The following DHRSX variants were observed in gnomAD, a reference collection of about 807,000 sequenced individuals.
DHRSX encodes the protein polyprenol dehydrogenase.
A neutral mutation model predicts 34.0 loss-of-function variants in DHRSX; 31 were observed. That is an observed-to-expected ratio of 0.91 (90% CI 0.69 to 1.23). DHRSX has a LOEUF of 1.23. DHRSX is among the 50% of genes most tolerant of loss of function. The pLI, the probability that DHRSX is intolerant of heterozygous loss-of-function variation, is 0.00. For missense variants in DHRSX, 414 were observed against 428.1 expected, an observed-to-expected ratio of 0.97 and a Z score of 0.29; for synonymous variants, 201 against 183.8, an observed-to-expected ratio of 1.09 and a Z score of -0.76.
At chrX:2,426,536 T>G (rs760340484) in intron 1 of DHRSX, among the ~76,000 whole-genome samples, 1 of 140,912 alleles carries the variant, frequency 7.1e-6, no homozygotes, top group African/African-American at 2.6e-5. Flanking sequence ...CCTTCCTTCC[T>G]CCTTCCTTCT....
intron 5 of DHRSX, among the ~76,000 whole-genome samples, chrX:2,247,257 G>A: frequency 6.6e-6 from 1 of 151,772 alleles, no homozygotes; most frequent in African/African-American, 2.4e-5. Context: ...CCCTGGTATT[G>A]GTTTCTAAAC....
intron 5 of DHRSX, among the ~76,000 whole-genome samples, chrX:2,249,385 A>G (rs2016379684): frequency 2.1e-5 from 3 of 142,196 alleles, no homozygotes; most frequent in Admixed American, 7.2e-5. Context: ...TTTTTAGTAG[A>G]GACGGGGTTT....
chrX:2,294,329 A>G (rs1437525255), intron 3 of DHRSX, among the ~76,000 whole-genome samples: 1 of 152,096 alleles, frequency 6.6e-6, no homozygotes, highest in Non-Finnish European at 1.5e-5. Context: ...AGATCACGTG[A>G]GGTCAGGACT....
chrX:2,304,053 ATGGATGGATGGG>A (rs769361541), intron 3 of DHRSX, among the ~76,000 whole-genome samples: 10,201 of 117,230 alleles, frequency 0.087, 576 homozygotes, highest in Non-Finnish European at 0.13. Context: ...GGATGGATGG[ATGGATGGATGGG>A]TGGATGGATG....
chrX:2,461,924 G>A (rs181826291), intron 1 of DHRSX, among the ~76,000 whole-genome samples: 1 of 152,208 alleles, frequency 6.6e-6, no homozygotes, highest in Non-Finnish European at 1.5e-5. Flanking sequence ...CTGGGCTCAA[G>A]CGATCCACCG....
chrX:2,462,536 A>T (rs1323685651), intron 1 of DHRSX, among the ~76,000 whole-genome samples: 2 of 26,640 alleles, frequency 7.5e-5, no homozygotes, highest in South Asian at 1.4e-3. Flanking sequence ...ACTCCATCTC[A>T]AAAAAAAAAC....
chrX:2,339,232 C>A (rs2042610178), intron 3 of DHRSX, among the ~76,000 whole-genome samples: 1 of 151,842 alleles, frequency 6.6e-6, no homozygotes, highest in African/African-American at 2.4e-5. Flanking sequence ...ACCTCCCACG[C>A]TCAAGCAATT....
At position 2,288,631 on chromosome X, in the gene DHRSX, A is replaced by T. The variant is rs1054660011; in HGVS notation, c.388+2871T>A. ...CTCTCCTCTAGAACCAGTGTCAGCC[A>T]TAGACTCAGGAATTTCACACTGGAC... On this transcript the variant is annotated intron_variant, in intron 4 of 6. Coordinates refer to ENST00000334651, the MANE Select transcript of DHRSX (RefSeq NM_145177.3). Among the ~76,000 whole-genome samples, 63 of 152,252 alleles carry T rather than the reference A, an allele frequency of 4.1e-4. 1 individual carries two copies. Among genetic ancestry groups the T allele is most frequent in the Non-Finnish European group, 4.7e-4 (32 of 68,042 alleles).
At chrX:2,397,032 G>A (rs58582183) in intron 3 of DHRSX, among the ~76,000 whole-genome samples, 1,969 of 152,100 alleles carry the variant, frequency 0.013, 38 homozygotes, top group South Asian at 0.069. Context: ...AAAGGGTCTT[G>A]CTCTGTCGCC....
At chrX:2,358,327 C>CA (rs769620484) in intron 3 of DHRSX, among the ~76,000 whole-genome samples, 9 of 151,956 alleles carry the variant, frequency 5.9e-5, no homozygotes, top group Middle Eastern at 3.4e-3. Flanking sequence ...AAAATAAAAA[C>CA]AAAAAAAATC....
In DHRSX at chrX:2,393,522, G is replaced by A. The variant is rs1306865823; in HGVS notation, c.286+15223C>T. ...ACACAGGGACCTCCCCGTCTCCTCC[G>A]CACACACGACACACAGGGACCTCCC... On this transcript the variant is annotated intron_variant, in intron 3 of 6. Coordinates refer to ENST00000334651, the MANE Select transcript of DHRSX (RefSeq NM_145177.3). Among the ~76,000 whole-genome samples, 9 of 65,066 alleles carry A rather than the reference G, an allele frequency of 1.4e-4. No homozygotes were observed. In the East Asian group the frequency reaches 2.4e-3, roughly 17 times the overall value. The allele number at this position is 65,066 out of a possible 152,430, so 42.7% of individuals were successfully genotyped here. A position where few individuals can be genotyped will look rare whatever the true frequency, so the allele number is the denominator to read the frequency against.
intron 5 of DHRSX, among the ~76,000 whole-genome samples, chrX:2,256,347 G>A (rs111804848): frequency 0.036 from 5,492 of 151,032 alleles, 343 homozygotes; most frequent in African/African-American, 0.13. Context: ...CTGGGCTGGA[G>A]TGCAGTAGCA....
chrX:2,490,433 T>C (rs2045106174), intron 1 of DHRSX: 24 of 1,613,978 alleles, frequency 1.5e-5, no homozygotes, highest in Non-Finnish European at 1.9e-5. Context: ...GGGCTTCAGC[T>C]TGGAGAAGGC....
At chrX:2,498,385 G>A (rs181270953) in intron 1 of DHRSX, among the ~76,000 whole-genome samples, 4 of 152,278 alleles carry the variant, frequency 2.6e-5, no homozygotes, top group Admixed American at 6.5e-5. Context: ...AAAAAATGCC[G>A]TTTAGGAAGC....
intron 1 of DHRSX, among the ~76,000 whole-genome samples, chrX:2,431,560 G>A (rs1444328322): frequency 6.6e-6 from 1 of 152,084 alleles, no homozygotes; most frequent in Non-Finnish European, 1.5e-5. Flanking sequence ...CTATACCATG[G>A]AATACTATGC....
intron 5 of DHRSX, among the ~76,000 whole-genome samples, chrX:2,260,715 C>G (rs2041352759): frequency 6.6e-6 from 1 of 152,048 alleles, no homozygotes. Context: ...CTCACCTTGG[C>G]CTCCCAAAGT....
intron 3 of DHRSX, among the ~76,000 whole-genome samples, chrX:2,397,930 G>A (rs866179234): frequency 1.1e-4 from 15 of 138,530 alleles, no homozygotes; most frequent in Admixed American, 4.2e-4. Context: ...CTCAGAGCGC[G>A]CACACACACA....
At chrX:2,473,229 T>C (rs975917563) in intron 1 of DHRSX, among the ~76,000 whole-genome samples, 1 of 152,028 alleles carries the variant, frequency 6.6e-6, no homozygotes, top group African/African-American at 2.4e-5. Context: ...GAGACAGGAA[T>C]ATTGTAACAG....
intron 4 of DHRSX, among the ~76,000 whole-genome samples, chrX:2,284,323 T>G (rs2041776803): frequency 6.6e-6 from 1 of 151,930 alleles, no homozygotes; most frequent in Non-Finnish European, 1.5e-5. Flanking sequence ...CATTCATTCA[T>G]TCCTCTGAAT....
Sources: allele counts gnomAD v4.1 joint callset (sites outside exome capture counted in the v4.1 genomes callset), GRCh38; gene constraint gnomAD v4.1.1; transcripts MANE v1.5; gene names NCBI Gene and HGNC (gene_info 2026-07-23, HGNC 2026-07-21).